Variants in SLC8A1 observed in about 807,000 individuals in gnomAD.
SLC8A1 encodes solute carrier family 8 member A1.
SLC8A1 carries 18 observed loss-of-function variants against 68.3 expected under a neutral mutation model. That is an observed-to-expected ratio of 0.26 (90% confidence interval 0.18 to 0.39). The LOEUF is 0.39. SLC8A1 is among the 10% of genes least tolerant of loss of function. The probability of loss-of-function intolerance (pLI) is 1.00; values close to 1 mark genes in which losing one functional copy is unlikely to be tolerated. For missense variants in SLC8A1, 985 were observed against 1,156.7 expected (o/e 0.85, Z 2.15); for synonymous variants, 475 against 415.5 (o/e 1.14, Z -1.74).
chr2:40,227,341 G>C (rs574431944), intron 2 of SLC8A1, among the ~76,000 whole-genome samples: 2 of 151,980 alleles, frequency 1.3e-5, no homozygotes, highest in African/African-American at 4.8e-5. Flanking sequence ...ACCACACTCT[G>C]TGATCTCACA....
intron 2 of SLC8A1, among the ~76,000 whole-genome samples, chr2:40,365,335 G>C (rs1173448031): frequency 6.6e-6 from 1 of 151,982 alleles, no homozygotes; most frequent in Non-Finnish European, 1.5e-5. Flanking sequence ...TTGTGCATTT[G>C]CTTCAGGGCT....
chr2:40,135,143 G>T (rs1454723788), intron 7 of SLC8A1, among the ~76,000 whole-genome samples: 3 of 152,184 alleles, frequency 2.0e-5, no homozygotes, highest in Non-Finnish European at 4.4e-5. Context: ...GCAAGGAAGA[G>T]AACAGACTGG....
chr2:40,212,524 G>T (rs1375259115), intron 2 of SLC8A1, among the ~76,000 whole-genome samples: 2 of 151,944 alleles, frequency 1.3e-5, no homozygotes, highest in Non-Finnish European at 2.9e-5. Context: ...ACCTTGCAAC[G>T]TGTCTGTGTG....
At chr2:40,368,954 AT>A (rs1677126528) in intron 2 of SLC8A1, among the ~76,000 whole-genome samples, 3 of 151,730 alleles carry the variant, frequency 2.0e-5, no homozygotes, top group African/African-American at 7.3e-5. Context: ...TCCTTACTCA[AT>A]CAATTGTGCT....
intron 2 of SLC8A1, among the ~76,000 whole-genome samples, chr2:40,361,983 C>T (rs1168222494): frequency 7.2e-6 from 1 of 138,696 alleles, no homozygotes; most frequent in African/African-American, 2.7e-5. Context: ...GCAACCTCTG[C>T]CTCCGGGTTC....
At chr2:40,412,742 T>C (rs1006651173) in intron 2 of SLC8A1, among the ~76,000 whole-genome samples, 2 of 152,154 alleles carry the variant, frequency 1.3e-5, no homozygotes, top group Non-Finnish European at 2.9e-5. Flanking sequence ...GTCATGACAA[T>C]AATTTAGAGT....
At chr2:40,401,499 T>C (rs1688699705) in intron 2 of SLC8A1, among the ~76,000 whole-genome samples, 1 of 151,104 alleles carries the variant, frequency 6.6e-6, no homozygotes, top group Non-Finnish European at 1.5e-5. Flanking sequence ...TTTAACTTTG[T>C]ATTCATTTTA....
chr2:40,424,110 T>G (rs961602049), intron 2 of SLC8A1, among the ~76,000 whole-genome samples: 4 of 151,972 alleles, frequency 2.6e-5, no homozygotes, highest in African/African-American at 9.7e-5. Context: ...CTTGAATATG[T>G]TGGAGTTATT....
At chr2:40,236,345 C>T (rs924338284) in intron 2 of SLC8A1, among the ~76,000 whole-genome samples, 1 of 152,092 alleles carries the variant, frequency 6.6e-6, no homozygotes, top group Non-Finnish European at 1.5e-5. Context: ...ATCTCTTTAC[C>T]ATTATGTAAT....
chr2:40,313,880 T>C (rs1453651688), intron 2 of SLC8A1, among the ~76,000 whole-genome samples: 1 of 152,134 alleles, frequency 6.6e-6, no homozygotes, highest in Non-Finnish European at 1.5e-5. Context: ...TTTGCTGTGT[T>C]TTCTTAATTG....
chr2:40,313,409 C>G (rs1197686626), intron 2 of SLC8A1, among the ~76,000 whole-genome samples: 5 of 151,880 alleles, frequency 3.3e-5, no homozygotes, highest in Non-Finnish European at 7.4e-5. Context: ...GCTTTCTTTT[C>G]TGTTGGGTAG....
chr2:40,358,071 A>AG (rs1348955762), intron 2 of SLC8A1, among the ~76,000 whole-genome samples: 1 of 148,326 alleles, frequency 6.7e-6, no homozygotes. Flanking sequence ...AAAAAAAAAA[A>AG]GGTGGCGGTG....
At chr2:40,215,605 C>T (rs1365892655) in intron 2 of SLC8A1, among the ~76,000 whole-genome samples, 1 of 143,782 alleles carries the variant, frequency 7.0e-6, no homozygotes, top group African/African-American at 2.6e-5. Context: ...CCACTGCAGT[C>T]CGCAGTCCGG....
chr2:40,120,054 T>A (rs1213995163), intron 7 of SLC8A1, among the ~76,000 whole-genome samples: 1 of 152,196 alleles, frequency 6.6e-6, no homozygotes, highest in African/African-American at 2.4e-5. Flanking sequence ...TTACCTAAAT[T>A]TCTCAAACTT....
At chr2:40,295,596 C>T (rs546311147) in intron 2 of SLC8A1, among the ~76,000 whole-genome samples, 2 of 152,006 alleles carry the variant, frequency 1.3e-5, no homozygotes, top group African/African-American at 4.8e-5. Flanking sequence ...ATTTATGTGC[C>T]AGATGCTAAA....
At chr2:40,298,056 G>A (rs1466951089) in intron 2 of SLC8A1, among the ~76,000 whole-genome samples, 1 of 151,788 alleles carries the variant, frequency 6.6e-6, no homozygotes, top group East Asian at 1.9e-4. Flanking sequence ...TTTTTTTTGT[G>A]ATTTTAGTAG....
intron 2 of SLC8A1, among the ~76,000 whole-genome samples, chr2:40,239,249 C>T (rs1434051087): frequency 6.6e-6 from 1 of 152,118 alleles, no homozygotes; most frequent in African/African-American, 2.4e-5. Context: ...TTTTTAGTGT[C>T]TATCTTTAAT....
At chr2:40,238,279 C>T (rs1458687225) in intron 2 of SLC8A1, among the ~76,000 whole-genome samples, 2 of 152,184 alleles carry the variant, frequency 1.3e-5, no homozygotes, top group Non-Finnish European at 2.9e-5. Context: ...TAGGACCCTC[C>T]CAGCCAGGTG....
chr2:40,194,910 A>T (rs1244034595), intron 2 of SLC8A1, among the ~76,000 whole-genome samples: 2 of 152,096 alleles, frequency 1.3e-5, no homozygotes, highest in Non-Finnish European at 2.9e-5. Context: ...TTCCGAAGAA[A>T]CAAAACACAG....
Sources: gnomAD v4.1 joint callset for allele counts (sites outside exome capture counted in the v4.1 genomes callset) on GRCh38, gnomAD v4.1.1 for gene constraint, MANE v1.5 for transcripts, NCBI Gene and HGNC (gene_info 2026-07-23, HGNC 2026-07-21) for gene names.